Variants in WNT5A observed in about 807,000 individuals in gnomAD.
WNT5A encodes the protein Wnt family member 5A.
Under a neutral mutation model 42.1 loss-of-function variants are expected in WNT5A, and 9 were observed. That is an observed-to-expected ratio of 0.21 (90% CI 0.13 to 0.37). The LOEUF (loss-of-function observed/expected upper bound fraction) is 0.37. Among genes scored for constraint, WNT5A ranks in the 10% least tolerant of loss-of-function variants. The pLI is 1.00. For synonymous variants in WNT5A, 210 were observed against 210.0 expected (o/e 1.00, Z 0.00); for missense variants, 426 against 534.0 (o/e 0.80, Z 1.99).
chr3:55,492,228 GTGGC>G (rs141702951), upstream of WNT5A, among the ~76,000 whole-genome samples: 2,956 of 148,542 alleles, frequency 0.02, 47 homozygotes, highest in Non-Finnish European at 0.028. Context: ...ATGGTGCTTT[GTGGC>G]GGGGGGGCAC....
At chr3:55,492,812 G>A (rs1015531667), upstream of WNT5A, among the ~76,000 whole-genome samples, 6 of 152,234 alleles carry the variant, frequency 3.9e-5, no homozygotes, top group East Asian at 1.2e-3. Context: ...GAGATAGATC[G>A]TATTATTATC....
At chr3:55,504,989 GCTGTAAGATTTGTTC>G in the WNT5A span, among the ~76,000 whole-genome samples, 7,658 of 152,180 alleles carry the variant, frequency 0.05, 227 homozygotes, top group Middle Eastern at 0.11. Context: ...CACCCAGTAG[GCTGTAAGATTTGTTC>G]CTGTAGCAGC....
chr3:55,496,869 A>T, the WNT5A span, among the ~76,000 whole-genome samples: 1 of 152,256 alleles, frequency 6.6e-6, no homozygotes, highest in African/African-American at 2.4e-5. Flanking sequence ...TAGCTACAAA[A>T]AATAAATCGA....
In WNT5A at chr3:55,487,197, G is replaced by A; in HGVS notation, c.-212C>T. 1.9e-6 allele frequency: 1 copy of A among 534,726 alleles called. No homozygotes were observed. The highest frequency in any genetic ancestry group is 3.3e-6 in the Non-Finnish European group (1 of 305,746). The allele number at this position is 534,726 out of a possible 1,614,324, so 33.1% of individuals were successfully genotyped here. A position where few individuals can be genotyped will look rare whatever the true frequency, so the allele number is the denominator to read the frequency against. On this transcript the variant is annotated 5_prime_UTR_variant, in exon 1 of 5. Transcript: ENST00000264634. ...CCGAGTTGGGGCAGAGCTGGGATGC[G>A]CCCAGGAATGGAGGGGGCGCGGACG...
chr3:55,474,870 G>T (rs2051325542), intron 3 of WNT5A, among the ~76,000 whole-genome samples: 1 of 115,550 alleles, frequency 8.7e-6, no homozygotes, highest in Non-Finnish European at 1.8e-5. Flanking sequence ...TAGTGGGGAG[G>T]TAGAAGGTGG....
intron 1 of WNT5A, among the ~76,000 whole-genome samples, chr3:55,486,420 G>C (rs1408162143): frequency 6.6e-6 from 1 of 152,206 alleles, no homozygotes; most frequent in Admixed American, 6.5e-5. Context: ...CGAGTTACTC[G>C]GCCAAGGCAA....
At chr3:55,485,171 G>T (rs1425335094) in intron 1 of WNT5A, among the ~76,000 whole-genome samples, 1 of 152,022 alleles carries the variant, frequency 6.6e-6, no homozygotes, top group Non-Finnish European at 1.5e-5. Flanking sequence ...GAGGGATGAA[G>T]GGAGCAGGGG....
At chr3:55,471,620 T>C (rs1421817307) in intron 4 of WNT5A, among the ~76,000 whole-genome samples, 1 of 152,254 alleles carries the variant, frequency 6.6e-6, no homozygotes, top group Non-Finnish European at 1.5e-5. Context: ...CTGGTCTTTC[T>C]CCAGAGTGAC....
the WNT5A span, among the ~76,000 whole-genome samples, chr3:55,499,057 G>T: frequency 6.6e-6 from 1 of 152,144 alleles, no homozygotes; most frequent in Non-Finnish European, 1.5e-5. Context: ...TTTATCCCTT[G>T]CAGTTGAAAG....
At chr3:55,494,165 G>A (rs1015610574), upstream of WNT5A, 4 of 152,172 alleles carry the variant, frequency 2.6e-5, no homozygotes, top group Non-Finnish European at 5.9e-5. Context: ...TGCTGGGTTT[G>A]TATTTTGTTT....
rs2051308358 is a variant in WNT5A, at chr3:55,474,359, T to C, written c.662A>G (p.His221Arg). The C allele has an allele frequency of 6.2e-7, 1 of 1,612,890 alleles. No homozygotes were observed. The highest frequency in any genetic ancestry group is 1.3e-5 in the African/African-American group (1 of 74,896). ...YESARILMNL[H>R]NNEAGRRTVY... ...CACCCTGCGGCCGGCCTCGTTGTTG[T>C]GCAGGTTCATGAGGATGCGAGCACT... Residue 221 changes from histidine to arginine, a missense_variant, in exon 4 of 5, where the codon CAC becomes CGC. By Grantham distance (29) the His-to-Arg change is conservative. Transcript: ENST00000264634.
chr3:55,474,464 A>G lies in WNT5A; in HGVS notation c.557T>C (p.Ile186Thr). ...DWLWGGCGDN[I>T]DYGYRFAKEF... ...CTTGGCAAAGCGGTAGCCATAGTCG[A>G]TGTTGTCGCCGCAGCCGCCCCAGAG... Residue 186 changes from isoleucine (I) to threonine (T), a missense_variant, in exon 4 of 5, where the codon ATC becomes ACC. Ile to Thr is a moderately conservative substitution (Grantham distance 89). Coordinates refer to ENST00000264634, the MANE Select transcript of WNT5A (RefSeq NM_003392.7). 6.2e-7 allele frequency: 1 copy of G among 1,606,514 alleles called. No homozygotes were observed. The highest frequency in any genetic ancestry group is 1.3e-5 in the African/African-American group (1 of 74,752).
chr3:55,470,927 G>A (rs2051239445), intron 4 of WNT5A, among the ~76,000 whole-genome samples: 1 of 152,104 alleles, frequency 6.6e-6, no homozygotes, highest in African/African-American at 2.4e-5. Flanking sequence ...GGTGAGAAGT[G>A]CTAGTATCAT....
At chr3:55,486,539 C>CT (rs545727830) in intron 1 of WNT5A, among the ~76,000 whole-genome samples, 132 of 152,358 alleles carry the variant, frequency 8.7e-4, no homozygotes, top group African/African-American at 3.1e-3. Context: ...CAAGGAGTCC[C>CT]TTTCCCCATC....
At position 55,474,616 on chromosome 3, in the gene WNT5A, C is replaced by A. The variant is rs147104982; in HGVS notation, c.405G>T (p.Thr135=). 61,033 of 1,395,110 alleles carry A rather than the reference C, an allele frequency of 0.044. 1,564 individuals are homozygous for A. The highest frequency in any genetic ancestry group is 0.051 in the Non-Finnish European group (54,915 of 1,075,138). The allele number at this position is 1,395,110 out of a possible 1,614,324, so 86.4% of individuals were successfully genotyped here. ...CTGCGCTCACCGCGTATGTGAAGGC[C>A]GTCTCGCGGCTGCCTGTGGGTGAGG... ...GRVMQIGSRE[T]AFTYAVSAAG... The change falls in exon 4 of 5, where the codon ACG becomes ACT. Residue 135 remains threonine (T), a synonymous_variant. Transcript: ENST00000264634.
Position 55,479,546 on chromosome 3 carries a change from G to A in WNT5A, c.159C>T (p.Asn53=). ...TATATACTTCTGACATCTGAACAGG[G>A]TTATTCATACCTAGCGACCTGCAAG... The part of the protein sequence containing the change: ...ANSWWSLGMN[N]PVQMSEVYII... The change falls in exon 3 of 5, where the codon AAC becomes AAT. Residue 53 remains asparagine, a synonymous_variant. Coordinates refer to ENST00000264634, the MANE Select transcript of WNT5A (RefSeq NM_003392.7). 6.2e-7 allele frequency: 1 copy of A among 1,601,020 alleles called. No individual in the cohort carries two copies. The highest frequency in any genetic ancestry group is 1.3e-5 in the African/African-American group (1 of 74,702).
At chr3:55,502,140 T>G in the WNT5A span, among the ~76,000 whole-genome samples, 1 of 152,224 alleles carries the variant, frequency 6.6e-6, no homozygotes, top group African/African-American at 2.4e-5. Context: ...TTGGAGAAAT[T>G]CTTCTCCCAT....
At chr3:55,482,877 C>T (rs890330780) in intron 1 of WNT5A, among the ~76,000 whole-genome samples, 2 of 152,190 alleles carry the variant, frequency 1.3e-5, no homozygotes, top group East Asian at 1.9e-4. Context: ...CAGCCGATGC[C>T]GCGTGCACAC....
upstream of WNT5A, chr3:55,487,527 A>G (rs1462012622): frequency 1.3e-5 from 2 of 153,612 alleles, no homozygotes; most frequent in Admixed American, 6.5e-5. Flanking sequence ...GTTCATTCAC[A>G]CCACAGATTC....
Sources: gnomAD v4.1 joint callset for allele counts (sites outside exome capture counted in the v4.1 genomes callset) on GRCh38, gnomAD v4.1.1 for gene constraint, MANE v1.5 for transcripts, NCBI Gene and HGNC (gene_info 2026-07-23, HGNC 2026-07-21) for gene names.